Variants in ZNF560 observed in about 807,000 individuals in gnomAD.
ZNF560 encodes the protein zinc finger protein 560.
In ZNF560, 54 loss-of-function variants were observed where a neutral mutation model predicts 81.8. The observed-to-expected ratio is 0.66, with a 90% CI of 0.53 to 0.83. The LOEUF is 0.83. ZNF560 is among the 40% of genes least tolerant of loss of function. The pLI, the probability that ZNF560 is intolerant of heterozygous loss-of-function variation, is 0.00. For synonymous variants in ZNF560, 321 were observed against 317.9 expected (o/e 1.01, Z -0.10); for missense variants, 940 against 932.4 (o/e 1.01, Z -0.11).
chr19:9,463,255 C>G (rs2072962526), downstream of ZNF560, among the ~76,000 whole-genome samples: 1 of 151,916 alleles, frequency 6.6e-6, no homozygotes, highest in African/African-American at 2.4e-5. Context: ...CAGAAATCAG[C>G]TTCTAAAAAA....
At chr19:9,506,544 G>A in the ZNF560 span, among the ~76,000 whole-genome samples, 3 of 151,576 alleles carry the variant, frequency 2.0e-5, no homozygotes, top group Admixed American at 6.6e-5. Flanking sequence ...TACCATAAAT[G>A]TGGTTTTATA....
At position 9,466,595 on chromosome 19, in the gene ZNF560, AATACG is replaced by A. The variant is rs761197445; in HGVS notation, c.2347_2351del (p.Arg783CysfsTer27). 2 of 1,604,066 alleles carry A rather than the reference AATACG, an allele frequency of 1.2e-6. No individual in the cohort carries two copies. The highest frequency in any genetic ancestry group is 2.7e-5 in the African/African-American group (2 of 74,514). The stretch of plus-strand genomic sequence containing the variant: ...CTCTCTAGTGTGTTTTCAAATGTGC[AATACG>A]AGCTGAGAAAGAAGCAAAGGCTTTC... On this transcript the variant is annotated frameshift_variant, in exon 10 of 10. Coordinates refer to ENST00000301480, the MANE Select transcript of ZNF560 (RefSeq NM_152476.3). LOFTEE classifies it high-confidence loss of function.
At chr19:9,474,158 T>A (rs891233412) in intron 4 of ZNF560, 41 bp downstream of exon 4, 2 of 1,612,132 alleles carry the variant, frequency 1.2e-6, no homozygotes, top group Non-Finnish European at 1.7e-6. Context: ...ACAATGTATA[T>A]CTCTTCCCTA....
intron 2 of ZNF560, among the ~76,000 whole-genome samples, chr19:9,481,947 T>C (rs2073296154): frequency 6.6e-6 from 1 of 152,174 alleles, no homozygotes; most frequent in African/African-American, 2.4e-5. Flanking sequence ...GGATAATAAA[T>C]CATGCTACTA....
In ZNF560 at chr19:9,481,749, G is replaced by A. The variant is rs146791047; in HGVS notation, c.-56-6380C>T. On this transcript the variant is annotated intron_variant, in intron 2 of 9. Coordinates refer to ENST00000301480, the MANE Select transcript of ZNF560 (RefSeq NM_152476.3). ...ATACCATCTCAAACCAGTTAGAATG[G>A]CGATCATTAAAAAGTCAGGAAACAA... Among the ~76,000 whole-genome samples the A allele has an allele frequency of 7.9e-5, 12 of 152,276 alleles. No individual in the cohort carries two copies. In the South Asian group the frequency reaches 2.5e-3, roughly 32 times the overall value.
the ZNF560 span, among the ~76,000 whole-genome samples, chr19:9,448,149 A>C: frequency 1.3e-5 from 2 of 152,184 alleles, no homozygotes; most frequent in Non-Finnish European, 2.9e-5. Context: ...TCTAGAGACA[A>C]GCAATCACTA....
chr19:9,446,970 A>G, the ZNF560 span, among the ~76,000 whole-genome samples: 30 of 151,956 alleles, frequency 2.0e-4, no homozygotes, highest in Admixed American at 1.1e-3. Flanking sequence ...CCATCTCTAG[A>G]TAAAAATACA....
chr19:9,466,890 C>T lies in ZNF560; in HGVS notation c.2057G>A (p.Cys686Tyr). 1.2e-6 allele frequency: 2 copies of T among 1,614,084 alleles called. No individual in the cohort carries two copies. Among genetic ancestry groups the T allele is most frequent in the African/African-American group, 1.3e-5 (1 of 75,044 alleles). ...TCGAAAGGAATTTCCACATGCGTTA[C>T]ATTCAGAGGTCTTCTCTGCTGCATG... ...KTHAAEKTSE[C>Y]NACGNSFRNS... Residue 686 changes from cysteine (C) to tyrosine (Y), a missense_variant, in exon 10 of 10, where the codon TGT becomes TAT. Cys to Tyr is a radical substitution (Grantham distance 194). Coordinates refer to ENST00000301480, the MANE Select transcript of ZNF560 (RefSeq NM_152476.3).
intron 5 of ZNF560, 93 bp from the exon 6 acceptor site, chr19:9,471,471 T>G: frequency 1.3e-6 from 1 of 787,788 alleles, no homozygotes; most frequent in South Asian, 2.7e-5. Flanking sequence ...TCATATTTGT[T>G]TTTAAAATAA....
chr19:9,500,394 CA>C (rs767714516), upstream of ZNF560, among the ~76,000 whole-genome samples: 336 of 82,664 alleles, frequency 4.1e-3, no homozygotes, highest in Middle Eastern at 0.012. Flanking sequence ...AACTTCATCT[CA>C]AAAAAAAAAA....
intron 7 of ZNF560, 105 bp downstream of exon 7, chr19:9,470,287 A>C: frequency 6.8e-7 from 1 of 1,468,008 alleles, no homozygotes. Flanking sequence ...CAGTGTGTAT[A>C]TATCCCACTG....
chr19:9,469,743 G>A, intron 7 of ZNF560, 33 bp from the exon 8 acceptor site: 1 of 1,598,624 alleles, frequency 6.3e-7, no homozygotes, highest in Non-Finnish European at 8.6e-7. Context: ...CAATGGAAGA[G>A]GCTCATGCAA....
intron 2 of ZNF560, among the ~76,000 whole-genome samples, chr19:9,497,109 C>G (rs538912761): frequency 6.6e-6 from 1 of 151,412 alleles, no homozygotes; most frequent in South Asian, 2.1e-4. Context: ...AGGCAACATC[C>G]TGCCTCAAAA....
intron 2 of ZNF560, among the ~76,000 whole-genome samples, chr19:9,488,948 C>A (rs2073427049): frequency 6.6e-6 from 1 of 152,182 alleles, no homozygotes; most frequent in East Asian, 1.9e-4. Flanking sequence ...TTCTCCCTTG[C>A]TCCTGGCTCC....
intron 2 of ZNF560, among the ~76,000 whole-genome samples, chr19:9,478,431 C>T (rs1336286071): frequency 2.0e-5 from 3 of 152,024 alleles, no homozygotes; most frequent in Non-Finnish European, 2.9e-5. Flanking sequence ...AAAAAAAGGA[C>T]ACTAATTAGT....
rs773477783 is a variant in ZNF560, at chr19:9,470,379, A to C, written c.448+13T>G. On this transcript the variant is annotated intron_variant, in intron 7 of 9. Coordinates refer to ENST00000301480, the MANE Select transcript of ZNF560 (RefSeq NM_152476.3). Reference sequence around the variant, plus strand: ...GTTCCAGAATAGGCTACAAGGGATGATGCCAGACTTACCTACTGAGGACAG... The same window carrying C: ...GTTCCAGAATAGGCTACAAGGGATGCTGCCAGACTTACCTACTGAGGACAG... The C allele has an allele frequency of 1.2e-5, 20 of 1,603,290 alleles. No individual in the cohort carries two copies. In the African/African-American group the frequency reaches 2.1e-4, roughly 17 times the overall value.
intron 2 of ZNF560, among the ~76,000 whole-genome samples, chr19:9,491,696 C>T (rs767686390): frequency 5.6e-4 from 85 of 151,178 alleles, no homozygotes; most frequent in Non-Finnish European, 9.1e-4. Context: ...TGTGGTGGCA[C>T]GCGTCTGTAG....
At chr19:9,481,477 G>C (rs2073288617) in intron 2 of ZNF560, among the ~76,000 whole-genome samples, 1 of 152,176 alleles carries the variant, frequency 6.6e-6, no homozygotes, top group Non-Finnish European at 1.5e-5. Context: ...CCATCAGAGT[G>C]AACAGGCAAC....
chr19:9,451,580 C>T, the ZNF560 span, among the ~76,000 whole-genome samples: 1 of 152,030 alleles, frequency 6.6e-6, no homozygotes, highest in Non-Finnish European at 1.5e-5. Context: ...GAATAAGTCC[C>T]CAAAAGCAAC....
Sources: gnomAD v4.1 joint callset for allele counts (sites outside exome capture counted in the v4.1 genomes callset) on GRCh38, gnomAD v4.1.1 for gene constraint, MANE v1.5 for transcripts, NCBI Gene and HGNC (gene_info 2026-07-23, HGNC 2026-07-21) for gene names.